BAIAP2: variants seen among roughly 807,000 people sequenced by gnomAD.
BAIAP2 encodes BAR/IMD domain-containing adapter protein 2.
In BAIAP2, 18 loss-of-function variants were observed where a neutral mutation model predicts 63.0. That is an observed-to-expected ratio of 0.29 (90% confidence interval 0.20 to 0.42). The LOEUF (loss-of-function observed/expected upper bound fraction) is 0.42, where lower values mean the gene tolerates loss of function less well. Ranked by LOEUF, BAIAP2 falls within the 10% of genes least tolerant of loss-of-function variation. BAIAP2 has a pLI of 1.00. For synonymous variants in BAIAP2, 386 were observed against 307.6 expected, an observed-to-expected ratio of 1.25 and a Z score of -2.67; for missense variants, 610 against 734.3, an observed-to-expected ratio of 0.83 and a Z score of 1.96.
chr17:81,069,745 G>T (rs1179814106), intron 3 of BAIAP2, among the ~76,000 whole-genome samples: 4 of 152,156 alleles, frequency 2.6e-5, no homozygotes, highest in African/African-American at 9.7e-5. Flanking sequence ...TGGCCAGTAC[G>T]TTCCTAGGCA....
At chr17:81,076,638 C>T (rs2053705658) in intron 3 of BAIAP2, 1 of 152,198 alleles carries the variant, frequency 6.6e-6, no homozygotes, top group African/African-American at 2.4e-5. Flanking sequence ...CCGCACCTCT[C>T]AGTGGATGCC....
At chr17:81,035,834 C>T (rs996445193) in intron 1 of BAIAP2, among the ~76,000 whole-genome samples, 1 of 152,162 alleles carries the variant, frequency 6.6e-6, no homozygotes, top group Non-Finnish European at 1.5e-5. Flanking sequence ...GCCTCGGGCA[C>T]TTCATTCTCA....
At chr17:81,110,421 A>AT (rs1468095061) in intron 13 of BAIAP2, 32 of 990,782 alleles carry the variant, frequency 3.2e-5, no homozygotes, top group Non-Finnish European at 3.8e-5. Flanking sequence ...TGCTGAACAT[A>AT]TTTTTTTCCT....
At chr17:81,050,308 C>T (rs1355975089) in intron 1 of BAIAP2, among the ~76,000 whole-genome samples, 13 of 152,256 alleles carry the variant, frequency 8.5e-5, no homozygotes, top group Non-Finnish European at 5.9e-5. Context: ...CGCCGCCCCT[C>T]TCTTGCAGAT....
chr17:81,102,060 G>T (rs1229087942), intron 7 of BAIAP2, among the ~76,000 whole-genome samples: 1 of 151,160 alleles, frequency 6.6e-6, no homozygotes, highest in Non-Finnish European at 1.5e-5. Context: ...CTCCCAGGAG[G>T]GGTTGCGGGA....
At chr17:81,098,496 TTC>T (rs1157037722) in intron 6 of BAIAP2, among the ~76,000 whole-genome samples, 17 of 151,992 alleles carry the variant, frequency 1.1e-4, no homozygotes, top group Non-Finnish European at 1.8e-4. Flanking sequence ...AAGTGCACAG[TTC>T]AGCGGCATTA....
chr17:81,049,493 A>C (rs1022911452), intron 1 of BAIAP2, among the ~76,000 whole-genome samples: 2 of 152,080 alleles, frequency 1.3e-5, no homozygotes, highest in African/African-American at 4.8e-5. Flanking sequence ...TGTTGATAAG[A>C]AACAAGCTCC....
At chr17:81,089,675 C>T (rs1009227736) in intron 6 of BAIAP2, among the ~76,000 whole-genome samples, 4 of 152,124 alleles carry the variant, frequency 2.6e-5, no homozygotes, top group East Asian at 1.9e-4. Flanking sequence ...AGGCTGTCTG[C>T]GTCCTGATGG....
At chr17:81,048,856 T>C (rs2048227997) in intron 1 of BAIAP2, among the ~76,000 whole-genome samples, 1 of 152,128 alleles carries the variant, frequency 6.6e-6, no homozygotes, top group African/African-American at 2.4e-5. Flanking sequence ...CAGCCAAGCG[T>C]GCGGGCATCC....
intron 6 of BAIAP2, among the ~76,000 whole-genome samples, chr17:81,099,113 T>G (rs2058127767): frequency 1.3e-5 from 1 of 74,888 alleles, no homozygotes; most frequent in South Asian, 4.2e-4. Flanking sequence ...GGGCACACCC[T>G]GTTCCGAAAG....
intron 3 of BAIAP2, among the ~76,000 whole-genome samples, chr17:81,062,985 T>C (rs866578044): frequency 3.5e-5 from 5 of 141,752 alleles, no homozygotes; most frequent in South Asian, 2.4e-4. Context: ...TTCCTGCCGA[T>C]ATCTTTCCTG....
At chr17:81,060,455 C>G (rs995990887) in intron 3 of BAIAP2, among the ~76,000 whole-genome samples, 1 of 152,166 alleles carries the variant, frequency 6.6e-6, no homozygotes, top group Non-Finnish European at 1.5e-5. Context: ...GGTGTGTGAC[C>G]TTCTGTGTCT....
In BAIAP2 at chr17:81,057,981, C is replaced by T. The variant is rs772971350; in HGVS notation, c.217+14C>T. The T allele has an allele frequency of 5.9e-6, 7 of 1,188,080 alleles. No homozygotes were observed. Among genetic ancestry groups the T allele is most frequent in the East Asian group, 3.4e-5 (1 of 29,088 alleles). The allele number at this position is 1,188,080 out of a possible 1,614,324, so 73.6% of individuals were successfully genotyped here. On this transcript the variant is annotated intron_variant, in intron 3 of 13. Transcript: ENST00000428708. Reference sequence around the variant, plus strand: ...CCAAAGAACTCGGTGAGACCCCCCCCCCCCCCCCGCCTGGTAGTCGCCTGA... The same window carrying T: ...CCAAAGAACTCGGTGAGACCCCCCCTCCCCCCCCGCCTGGTAGTCGCCTGA...
chr17:81,057,699 A>G (rs2049825135), intron 2 of BAIAP2, 182 bp from the exon 3 acceptor site: 2 of 1,383,736 alleles, frequency 1.4e-6, no homozygotes, highest in African/African-American at 2.9e-5. Context: ...GGGGTGAAAC[A>G]AGAATATCAA....
In BAIAP2 at chr17:81,057,888, G is replaced by T. The variant is rs781678206; in HGVS notation, c.138G>T (p.Thr46=). 6.8e-6 allele frequency: 11 copies of T among 1,607,096 alleles called. No homozygotes were observed. In the African/African-American group the frequency reaches 1.2e-4, roughly 18 times the overall value. Residue 46 remains threonine (T), a synonymous_variant, in exon 3 of 14, where the codon ACG becomes ACT. Transcript: ENST00000428708. ...KNYEKALAGV[T]YAAKGYFDAL... is the part of the protein sequence containing the mutation. ...CCTTTTCTTCTCTCTCAGGTGTGAC[G>T]TATGCAGCCAAAGGCTACTTTGACG...
intron 3 of BAIAP2, among the ~76,000 whole-genome samples, chr17:81,075,473 T>A (rs7503597): frequency 2.6e-5 from 4 of 150,998 alleles, no homozygotes; most frequent in South Asian, 4.1e-4. Context: ...GCTCCCTTCC[T>A]GTGGGCCGCT....
intron 13 of BAIAP2, among the ~76,000 whole-genome samples, chr17:81,111,598 C>T (rs550699155): frequency 5.3e-4 from 80 of 152,368 alleles, no homozygotes; most frequent in African/African-American, 1.4e-3. Flanking sequence ...TTTGAGCTGA[C>T]GCTCACTCCG....
At position 81,105,937 on chromosome 17, in the gene BAIAP2, C is replaced by T. The variant is rs958801122; in HGVS notation, c.1269-141C>T. 34 of 704,010 alleles carry T rather than the reference C, an allele frequency of 4.8e-5. No homozygotes were observed. The East Asian group carries it at 9.5e-4, about 20-fold the overall frequency. 43.6% of individuals were successfully genotyped at this position (704,010 alleles called of 1,614,324 possible). A position where few individuals can be genotyped will look rare whatever the true frequency, so the allele number is the denominator to read the frequency against. On this transcript the variant is annotated intron_variant, in intron 10 of 13. Coordinates refer to ENST00000428708, the MANE Select transcript of BAIAP2 (RefSeq NM_001144888.2). The stretch of plus-strand genomic sequence containing the variant: ...GGAGCGGGCTGCGGTCTTTGTCTCC[C>T]TGGAGCACTGTCTCTGTTGCTCCAG...
At chr17:81,085,535 C>G (rs537054071) in intron 4 of BAIAP2, 119 bp from the exon 5 acceptor site, 1 of 824,866 alleles carries the variant, frequency 1.2e-6, no homozygotes, top group Non-Finnish European at 2.0e-6. Context: ...GGAGGGGGCC[C>G]CTCCTGCACA....
Sources: allele counts gnomAD v4.1 joint callset (sites outside exome capture counted in the v4.1 genomes callset), GRCh38; gene constraint gnomAD v4.1.1; transcripts MANE v1.5; gene names NCBI Gene and HGNC (gene_info 2026-07-23, HGNC 2026-07-21).